Variants in OPCML observed in about 807,000 individuals in gnomAD.
The protein encoded by OPCML is opioid binding protein/cell adhesion molecule like.
In OPCML, 13 loss-of-function variants were observed where a neutral mutation model predicts 37.8. The ratio of observed to expected loss-of-function variants is 0.34; its 90% CI spans 0.22 to 0.55. The LOEUF is 0.55. OPCML is among the 20% of genes least tolerant of loss of function. The pLI is 0.91. For synonymous variants in OPCML, 176 were observed against 168.8 expected (o/e 1.04, Z -0.33); for missense variants, 341 against 435.6 (o/e 0.78, Z 1.93).
chr11:133,176,673 C>T (rs1937605673), intron 1 of OPCML, among the ~76,000 whole-genome samples: 1 of 152,172 alleles, frequency 6.6e-6, no homozygotes, highest in Non-Finnish European at 1.5e-5. Context: ...TTATAAGCTT[C>T]CTGAGGCCTC....
chr11:133,154,235 A>T (rs1382644721), intron 1 of OPCML, among the ~76,000 whole-genome samples: 4 of 146,210 alleles, frequency 2.7e-5, no homozygotes, highest in African/African-American at 5.2e-5. Context: ...AAAAAAAAAA[A>T]TTGAGGAAGT....
intron 4 of OPCML, among the ~76,000 whole-genome samples, chr11:132,485,116 T>C (rs1327733106): frequency 6.6e-6 from 1 of 152,000 alleles, no homozygotes; most frequent in Non-Finnish European, 1.5e-5. Flanking sequence ...AATTAGTTCT[T>C]AATATCACTG....
rs529599906 is a variant in OPCML at position 133,291,671 on chromosome 11, A to G, written c.61+240593T>C. Among the ~76,000 whole-genome samples the G allele has an allele frequency of 2.0e-5, 3 of 152,360 alleles. No homozygotes were observed. In the South Asian group the frequency reaches 6.2e-4, roughly 32 times the overall value. Reference sequence around the variant, plus strand: ...GCAAACGGTGAGATCACACAGGCTTATAGCCCTGGGGGAAGGTATTCCACA... The same window carrying G: ...GCAAACGGTGAGATCACACAGGCTTGTAGCCCTGGGGGAAGGTATTCCACA... On this transcript the variant is annotated intron_variant, in intron 1 of 7. Coordinates refer to ENST00000524381, the MANE Select transcript of OPCML (RefSeq NM_001012393.5).
chr11:132,895,262 A>G (rs912078013), intron 2 of OPCML, among the ~76,000 whole-genome samples: 2 of 152,218 alleles, frequency 1.3e-5, no homozygotes, highest in African/African-American at 2.4e-5. Context: ...TATATATGAT[A>G]CCCTTAACAT....
chr11:132,490,825 A>G (rs1423134371), intron 4 of OPCML, among the ~76,000 whole-genome samples: 1 of 151,796 alleles, frequency 6.6e-6, no homozygotes. Context: ...AAAAAGAAAA[A>G]AAAAAAAAAG....
At chr11:132,705,305 G>A (rs963409219) in intron 2 of OPCML, among the ~76,000 whole-genome samples, 2 of 151,918 alleles carry the variant, frequency 1.3e-5, no homozygotes, top group African/African-American at 2.4e-5. Flanking sequence ...AAAAGTGTGC[G>A]GCTGGCTGGG....
At chr11:133,235,064 G>A (rs914748353) in intron 1 of OPCML, among the ~76,000 whole-genome samples, 1 of 152,090 alleles carries the variant, frequency 6.6e-6, no homozygotes, top group Non-Finnish European at 1.5e-5. Context: ...GCTGTGCACC[G>A]AGATAAGGGT....
chr11:132,462,247 T>C (rs1208138717), intron 4 of OPCML, among the ~76,000 whole-genome samples: 2 of 152,128 alleles, frequency 1.3e-5, no homozygotes, highest in East Asian at 3.9e-4. Flanking sequence ...TTTTTGGTGA[T>C]CAGAGGTGAA....
chr11:133,008,107 T>C (rs1591905692), intron 1 of OPCML: 1 of 985,468 alleles, frequency 1.0e-6, no homozygotes, highest in South Asian at 4.7e-5. Flanking sequence ...CACCTTCTAC[T>C]ATGGATCTTC....
chr11:133,375,270 C>T (rs1334311212), intron 1 of OPCML, among the ~76,000 whole-genome samples: 1 of 152,234 alleles, frequency 6.6e-6, no homozygotes, highest in Non-Finnish European at 1.5e-5. Flanking sequence ...TTGTTACATA[C>T]ATAAGTATAT....
chr11:132,761,673 T>C (rs146412052), intron 2 of OPCML, among the ~76,000 whole-genome samples: 1 of 152,136 alleles, frequency 6.6e-6, no homozygotes, highest in African/African-American at 2.4e-5. Context: ...ATTTATCTTC[T>C]TCTCTTAACT....
chr11:132,502,992 T>A (rs1383790539), intron 4 of OPCML, among the ~76,000 whole-genome samples: 1 of 152,156 alleles, frequency 6.6e-6, no homozygotes, highest in African/African-American at 2.4e-5. Flanking sequence ...ATGGGCTCCA[T>A]TTTACAGATG....
At chr11:133,329,823 C>G (rs1943574301) in intron 1 of OPCML, among the ~76,000 whole-genome samples, 1 of 152,152 alleles carries the variant, frequency 6.6e-6, no homozygotes, top group Non-Finnish European at 1.5e-5. Context: ...GCAACAAAAG[C>G]TAAAATTGAC....
In OPCML at chr11:133,317,362, T is replaced by C. The variant is rs118123408; in HGVS notation, c.61+214902A>G. On this transcript the variant is annotated intron_variant, in intron 1 of 7. Coordinates refer to ENST00000524381, the MANE Select transcript of OPCML (RefSeq NM_001012393.5). ...GAATGTTTCAAAATTTGAAAACTTATCTATCACAGAATAAATAAAATCCAG... is the reference window on the plus strand; with the variant it reads ...GAATGTTTCAAAATTTGAAAACTTACCTATCACAGAATAAATAAAATCCAG... Among the ~76,000 whole-genome samples the C allele has an allele frequency of 6.6e-3, 1,008 of 152,322 alleles. 2 individuals are homozygous for C. The highest frequency in any genetic ancestry group is 0.014 in the Middle Eastern group (4 of 294).
chr11:133,331,246 G>A (rs114523404), intron 1 of OPCML, among the ~76,000 whole-genome samples: 1,796 of 152,310 alleles, frequency 0.012, 36 homozygotes, highest in African/African-American at 0.039. Flanking sequence ...CTGGTAAGCT[G>A]GTAAGTTGCA....
At chr11:133,249,228 G>T (rs1411371844) in intron 1 of OPCML, among the ~76,000 whole-genome samples, 1 of 152,140 alleles carries the variant, frequency 6.6e-6, no homozygotes, top group Non-Finnish European at 1.5e-5. Flanking sequence ...TTCTGGTAGG[G>T]CTTAAGGGAG....
At position 133,118,366 on chromosome 11, in the gene OPCML, TGA is replaced by T. The variant is rs148654049; in HGVS notation, c.62-175358_62-175357del. ...CAAGGACATGCCGGTTGTTTAACGG[TGA>T]GAGTTATAAACTGGAGTCTTTCTCT... is the stretch of plus-strand genomic sequence containing the variant. On this transcript the variant is annotated intron_variant, in intron 1 of 7. Coordinates refer to ENST00000524381, the MANE Select transcript of OPCML (RefSeq NM_001012393.5). The T allele has an allele frequency of 1.3e-3, 1,284 of 985,144 alleles. 12 individuals are homozygous for T. The African/African-American group carries it at 0.02, about 15-fold the overall frequency. The allele number at this position is 985,144 out of a possible 1,614,324, so 61.0% of individuals were successfully genotyped here.
intron 4 of OPCML, among the ~76,000 whole-genome samples, chr11:132,489,599 C>G (rs2137061178): frequency 6.6e-6 from 1 of 152,276 alleles, no homozygotes; most frequent in East Asian, 1.9e-4. Context: ...CGTGATGTCA[C>G]TAGGCAACTG....
intron 2 of OPCML, among the ~76,000 whole-genome samples, chr11:132,842,125 C>T (rs561962659): frequency 6.6e-6 from 1 of 152,044 alleles, no homozygotes; most frequent in South Asian, 2.1e-4. Context: ...TGGCTTTATT[C>T]CCTCAATCAA....
Sources: allele counts gnomAD v4.1 joint callset (sites outside exome capture counted in the v4.1 genomes callset), GRCh38; gene constraint gnomAD v4.1.1; transcripts MANE v1.5; gene names NCBI Gene and HGNC (gene_info 2026-07-23, HGNC 2026-07-21).